CAST: variants seen among roughly 807,000 people sequenced by gnomAD.
The protein encoded by CAST is calpastatin.
A neutral mutation model predicts 119.6 loss-of-function variants in CAST; 76 were observed. That is an observed-to-expected ratio of 0.64 (90% CI 0.53 to 0.77). The LOEUF (loss-of-function observed/expected upper bound fraction) is 0.77, where lower values mean the gene tolerates loss of function less well. Among genes scored for constraint, CAST ranks in the 30% least tolerant of loss-of-function variants. The pLI, the probability that CAST is intolerant of heterozygous loss-of-function variation, is 0.00. For missense variants in CAST, 953 were observed against 946.5 expected, an observed-to-expected ratio of 1.01 and a Z score of -0.09; for synonymous variants, 319 against 331.6, an observed-to-expected ratio of 0.96 and a Z score of 0.41.
At chr5:96,369,174 A>C in the CAST span, among the ~76,000 whole-genome samples, 1 of 151,524 alleles carries the variant, frequency 6.6e-6, no homozygotes, top group African/African-American at 2.4e-5. Flanking sequence ...GATTTCTCGT[A>C]TATTTATTTA....
the CAST span, among the ~76,000 whole-genome samples, chr5:96,153,830 T>A: frequency 1.3e-5 from 2 of 152,198 alleles, no homozygotes; most frequent in African/African-American, 4.8e-5. Context: ...CCTGAAGTCT[T>A]TGGGACCAAA....
At chr5:96,554,412 G>T (rs1746193471) in intron 1 of CAST, among the ~76,000 whole-genome samples, 1 of 152,142 alleles carries the variant, frequency 6.6e-6, no homozygotes, top group South Asian at 2.1e-4. Context: ...ACTCAAGATG[G>T]ATCAAAGACT....
chr5:96,587,475 T>G (rs1746881024), intron 1 of CAST, among the ~76,000 whole-genome samples: 1 of 152,204 alleles, frequency 6.6e-6, no homozygotes, highest in African/African-American at 2.4e-5. Context: ...AGTTGCTACT[T>G]ACGTTAAGTA....
chr5:96,732,706 T>C (rs1447321969), intron 9 of CAST, among the ~76,000 whole-genome samples: 2 of 152,074 alleles, frequency 1.3e-5, no homozygotes, highest in African/African-American at 4.8e-5. Context: ...ATTTAATAAA[T>C]GGTGCTGGGA....
intron 27 of CAST, among the ~76,000 whole-genome samples, chr5:96,766,731 T>C (rs552991218): frequency 7.9e-5 from 12 of 152,206 alleles, no homozygotes; most frequent in Non-Finnish European, 1.6e-4. Context: ...CCCACCTCTT[T>C]CCTATTTAGT....
the CAST span, among the ~76,000 whole-genome samples, chr5:96,109,813 G>A: frequency 2.6e-5 from 4 of 152,074 alleles, no homozygotes; most frequent in Admixed American, 2.6e-4. Context: ...ATTATTTGGG[G>A]AAGATACCAC....
At chr5:96,732,578 C>T (rs1760782149) in intron 9 of CAST, among the ~76,000 whole-genome samples, 1 of 150,848 alleles carries the variant, frequency 6.6e-6, no homozygotes, top group African/African-American at 2.4e-5. Context: ...AGTCCTTGCC[C>T]ATGCCTATGT....
the CAST span, among the ~76,000 whole-genome samples, chr5:96,368,198 G>A: frequency 6.7e-6 from 1 of 148,902 alleles, no homozygotes; most frequent in African/African-American, 2.5e-5. Context: ...TTTAAAAATT[G>A]TTTGAATTTC....
the CAST span, among the ~76,000 whole-genome samples, chr5:96,189,350 C>T: frequency 6.6e-6 from 1 of 152,144 alleles, no homozygotes; most frequent in Non-Finnish European, 1.5e-5. Context: ...GATTTGATTG[C>T]TATTTGGCTG....
At chr5:96,378,539 A>T in the CAST span, among the ~76,000 whole-genome samples, 1 of 152,124 alleles carries the variant, frequency 6.6e-6, no homozygotes, top group Non-Finnish European at 1.5e-5. Context: ...AAACTAAAGA[A>T]ACAAACTCAA....
chr5:95,997,963 G>C, the CAST span, among the ~76,000 whole-genome samples: 51 of 93,598 alleles, frequency 5.4e-4, no homozygotes, highest in East Asian at 5.1e-3. Flanking sequence ...TTGAGAGAGG[G>C]TTTTTTTTTT....
intron 1 of CAST, among the ~76,000 whole-genome samples, chr5:96,638,570 A>C (rs952700670): frequency 2.6e-5 from 4 of 152,160 alleles, no homozygotes; most frequent in African/African-American, 9.7e-5. Context: ...GTGCCAGTGC[A>C]TGCAAGGTTA....
chr5:96,571,164 C>A (rs745548612), intron 1 of CAST, among the ~76,000 whole-genome samples: 1 of 152,190 alleles, frequency 6.6e-6, no homozygotes, highest in Non-Finnish European at 1.5e-5. Context: ...TCAAAGCCAT[C>A]TCTAATGTAT....
chr5:96,681,962 T>TGA (rs34761761), intron 2 of CAST, among the ~76,000 whole-genome samples: 42,831 of 151,722 alleles, frequency 0.28, 6,897 homozygotes, highest in African/African-American at 0.44. Context: ...TGAGATATTT[T>TGA]GAGAGAGAGA....
At chr5:96,254,257 A>G in the CAST span, among the ~76,000 whole-genome samples, 1 of 152,116 alleles carries the variant, frequency 6.6e-6, no homozygotes, top group African/African-American at 2.4e-5. Flanking sequence ...TCCAGGGCAC[A>G]AAACTACCAT....
chr5:96,043,891 A>G, the CAST span, among the ~76,000 whole-genome samples: 8 of 152,198 alleles, frequency 5.3e-5, no homozygotes, highest in Admixed American at 4.6e-4. Flanking sequence ...AGAAGAATCA[A>G]TGCAGGGAAG....
At chr5:96,301,238 C>T in the CAST span, among the ~76,000 whole-genome samples, 1 of 152,148 alleles carries the variant, frequency 6.6e-6, no homozygotes, top group Non-Finnish European at 1.5e-5. Flanking sequence ...TGAGAACTCA[C>T]TTGCATTATG....
At chr5:96,229,656 T>C in the CAST span, among the ~76,000 whole-genome samples, 1 of 152,174 alleles carries the variant, frequency 6.6e-6, no homozygotes, top group African/African-American at 2.4e-5. Flanking sequence ...CAGTGAACAT[T>C]ATGCATGATT....
At chr5:96,393,385 CAT>C in the CAST span, 1 of 1,613,420 alleles carries the variant, frequency 6.2e-7, no homozygotes, top group Non-Finnish European at 8.5e-7. Flanking sequence ...GCTCCTAAAA[CAT>C]AGAATGCCAT....
Sources: allele counts gnomAD v4.1 joint callset (sites outside exome capture counted in the v4.1 genomes callset), GRCh38; gene constraint gnomAD v4.1.1; transcripts MANE v1.5; gene names NCBI Gene and HGNC (gene_info 2026-07-23, HGNC 2026-07-21).